Variants in HEATR1 observed in about 807,000 individuals in gnomAD.
HEATR1 encodes the protein HEAT repeat containing 1.
Under a neutral mutation model 248.2 loss-of-function variants are expected in HEATR1, and 77 were observed. The ratio of observed to expected loss-of-function variants is 0.31; its 90% CI spans 0.26 to 0.37. The LOEUF is 0.37. HEATR1 is among the 10% of genes least tolerant of loss of function. The probability of loss-of-function intolerance (pLI) is 1.00; values close to 1 mark genes in which losing one functional copy is unlikely to be tolerated. For missense variants in HEATR1, 2,420 were observed against 2,504.9 expected, an observed-to-expected ratio of 0.97 and a Z score of 0.72; for synonymous variants, 897 against 923.1, an observed-to-expected ratio of 0.97 and a Z score of 0.51.
In HEATR1 at chr1:236,574,798, G is replaced by C; in HGVS notation, c.3190C>G (p.Leu1064Val). ...KDEAMVLHLT[L>V]GKYNEFSVSL... Reference sequence around the variant, plus strand: ...ACTGAAAATTCATTATACTTTCCCAGAGTGAGATGCAGAACCATGGCCTCA... The same window carrying C: ...ACTGAAAATTCATTATACTTTCCCACAGTGAGATGCAGAACCATGGCCTCA... The change falls in exon 23 of 45, where the codon CTG (leucine) becomes GTG (valine). Residue 1064 changes from leucine (L) to valine (V), a missense_variant. Transcript: ENST00000366582. 1 of 1,614,022 alleles carries C rather than the reference G, an allele frequency of 6.2e-7. No individual in the cohort carries two copies. Among genetic ancestry groups the C allele is most frequent in the South Asian group, 1.1e-5 (1 of 91,074 alleles).
Position 236,558,300 on chromosome 1 carries a change from G to C in HEATR1, c.5141C>G (p.Ala1714Gly), listed in dbSNP as rs143495736. Residue 1714 changes from alanine to glycine, a missense_variant, in exon 36 of 45, where the codon GCG becomes GGG. Coordinates refer to ENST00000366582, the MANE Select transcript of HEATR1 (RefSeq NM_018072.6). ...GGTCACCTCTGCTATGCACAGCAGC[G>C]CGCTTCCCAGGACATTCTTCTCCTC... ...RKEEKNVLGS[A>G]LLCIAEVTST... The C allele has an allele frequency of 9.3e-6, 15 of 1,614,218 alleles. No homozygotes were observed. The highest frequency in any genetic ancestry group is 1.2e-5 in the Non-Finnish European group (14 of 1,180,046).
intron 32 of HEATR1, among the ~76,000 whole-genome samples, chr1:236,563,723 C>T (rs887619522): frequency 5.9e-5 from 9 of 152,088 alleles, no homozygotes; most frequent in African/African-American, 2.2e-4. Flanking sequence ...TATTCCTGGT[C>T]GTATTCCTTT....
At chr1:236,562,000 C>CT (rs1424222619) in intron 32 of HEATR1, among the ~76,000 whole-genome samples, 5 of 152,208 alleles carry the variant, frequency 3.3e-5, no homozygotes, top group Non-Finnish European at 5.9e-5. Context: ...ATTACTGGAA[C>CT]TTTCAACCTC....
chr1:236,581,124 A>T (rs1235656728), intron 20 of HEATR1, 98 bp downstream of exon 20: 11 of 959,818 alleles, frequency 1.1e-5, no homozygotes, highest in Non-Finnish European at 1.7e-5. Flanking sequence ...GCCCTCTGCT[A>T]TTTTTTTTTA....
In HEATR1 at chr1:236,599,642, A is replaced by G; in HGVS notation, c.360-18T>C. The stretch of plus-strand genomic sequence containing the variant: ...TATGGAACCTGGGGAAAAAAAGCAA[A>G]CAGTCCAACTGAACACAAAACTTAA... On this transcript the variant is annotated intron_variant, in intron 3 of 44. Transcript: ENST00000366582. The G allele has an allele frequency of 1.9e-6, 3 of 1,598,120 alleles. No individual in the cohort carries two copies. Among genetic ancestry groups the G allele is most frequent in the Non-Finnish European group, 2.6e-6 (3 of 1,171,518 alleles).
Position 236,576,949 on chromosome 1 carries a change from A to C in HEATR1, c.2756T>G (p.Val919Gly). ...CAGGTTAATGAGTAAAGATGTCACC[A>C]CTAAAATCAAAGGAAAAAAAAATTT... ...KHQLASISSP[V>G]VTSLLINLGS... The change falls in exon 21 of 45, where the codon GTG becomes GGG. Residue 919 changes from valine to glycine, a missense_variant and splice_region_variant. By Grantham distance (109) the Val-to-Gly change is moderately radical. Coordinates refer to ENST00000366582, the MANE Select transcript of HEATR1 (RefSeq NM_018072.6). 1 of 1,560,578 alleles carries C rather than the reference A, an allele frequency of 6.4e-7. No homozygotes were observed.
At position 236,555,432 on chromosome 1, in the gene HEATR1, T is replaced by C; in HGVS notation, c.5787A>G (p.Pro1929=). ...LFDWAKTEDA[P]KDRLLTFYNL... Reference sequence around the variant, plus strand: ...TGTAAAATGTCAACAACCTGTCCTTTGGGGCATCTTCTGTTTTAGCCCAAT... The same window carrying C: ...TGTAAAATGTCAACAACCTGTCCTTCGGGGCATCTTCTGTTTTAGCCCAAT... Residue 1929 remains proline, a synonymous_variant, in exon 41 of 45, where the codon CCA becomes CCG. Transcript: ENST00000366582. 2.5e-6 allele frequency: 4 copies of C among 1,614,210 alleles called. No homozygotes were observed. Among genetic ancestry groups the C allele is most frequent in the South Asian group, 1.1e-5 (1 of 91,086 alleles).
chr1:236,601,309 T>C (rs141383467), intron 3 of HEATR1, among the ~76,000 whole-genome samples: 4,585 of 151,750 alleles, frequency 0.03, 131 homozygotes, highest in Admixed American at 0.096. Context: ...TGCAGTGGCG[T>C]GATCTCAGCT....
At chr1:236,576,694 T>C in intron 21 of HEATR1, 86 bp downstream of exon 21, 2 of 1,263,564 alleles carry the variant, frequency 1.6e-6, no homozygotes, top group Non-Finnish European at 2.2e-6. Context: ...TCAAAATCCC[T>C]ACACAGTGAA....
At chr1:236,595,359 T>A (rs1323580555) in intron 8 of HEATR1, among the ~76,000 whole-genome samples, 181 bp downstream of exon 8, 1 of 152,204 alleles carries the variant, frequency 6.6e-6, no homozygotes, top group Non-Finnish European at 1.5e-5. Flanking sequence ...TTAACAATGA[T>A]CTTTCTTCAA....
chr1:236,568,349 T>C (rs1438917447), intron 29 of HEATR1, among the ~76,000 whole-genome samples: 5 of 152,210 alleles, frequency 3.3e-5, no homozygotes, highest in Non-Finnish European at 7.3e-5. Context: ...AATCTAATAC[T>C]AAGGTTAAAA....
chr1:236,559,953 A>G (rs1558178752), intron 33 of HEATR1, 116 bp from the exon 34 acceptor site: 5 of 1,080,010 alleles, frequency 4.6e-6, no homozygotes, highest in Non-Finnish European at 3.8e-6. Flanking sequence ...ATTCTGTACT[A>G]AATTATTTCA....
chr1:236,570,026 C>T (rs1262457755), intron 28 of HEATR1, among the ~76,000 whole-genome samples: 1 of 152,128 alleles, frequency 6.6e-6, no homozygotes, highest in Non-Finnish European at 1.5e-5. Context: ...CGGTGGCTCA[C>T]GCCTGTAGTT....
intron 19 of HEATR1, among the ~76,000 whole-genome samples, chr1:236,582,250 G>C (rs946278763): frequency 6.6e-6 from 1 of 151,390 alleles, no homozygotes; most frequent in Non-Finnish European, 1.5e-5. Context: ...GACTTCAGGA[G>C]CCCGCCACCA....
In HEATR1 at chr1:236,557,350, A is replaced by G. The variant is rs1663006159; in HGVS notation, c.5205-5T>C. On this transcript the variant is annotated splice_region_variant and splice_polypyrimidine_tract_variant and intron_variant, in intron 36 of 44. Transcript: ENST00000366582. ...GTCAGCAACGATGGCATCAGGCTAG[A>G]AACAAAGTAAGAGCTTTAGAAGAAC... The G allele has an allele frequency of 6.2e-7, 1 of 1,613,792 alleles. No individual in the cohort carries two copies. Among genetic ancestry groups the G allele is most frequent in the East Asian group, 2.2e-5 (1 of 44,876 alleles).
chr1:236,574,684 T>C lies in HEATR1; in HGVS notation c.3304A>G (p.Ile1102Val), dbSNP rs372897306. ...TKELYAGMPT[I>V]QITALEKITK... ...ACCTTTTCAAGGGCTGTGATCTGAA[T>C]GGTTGGCATTCCCGCGTAAAGTTCC... Residue 1102 changes from isoleucine to valine, a missense_variant, in exon 23 of 45, where the codon ATT (isoleucine) becomes GTT (valine). Transcript: ENST00000366582. 1.3e-5 allele frequency: 21 copies of C among 1,613,722 alleles called. No individual in the cohort carries two copies. In the African/African-American group the frequency reaches 2.3e-4, roughly 17 times the overall value.
rs933561107 is a variant in HEATR1 at position 236,556,138 on chromosome 1, T to C, written c.5476A>G (p.Ile1826Val). 2 of 1,614,192 alleles carry C rather than the reference T, an allele frequency of 1.2e-6. No individual in the cohort carries two copies. Among genetic ancestry groups the C allele is most frequent in the Non-Finnish European group, 1.7e-6 (2 of 1,180,038 alleles). Residue 1826 changes from isoleucine (I) to valine (V), a missense_variant, in exon 38 of 45, where the codon ATC becomes GTC. Transcript: ENST00000366582. ...TLAPRVLLPAIKKTYKQIEKN... is the reference protein window; with the variant it reads ...TLAPRVLLPAVKKTYKQIEKN... The stretch of plus-strand genomic sequence containing the variant: ...TCAATCTGCTTGTAAGTTTTTTTGA[T>C]GGCGGGCAACAGGACTCGGGGTGCA...
intron 32 of HEATR1, among the ~76,000 whole-genome samples, chr1:236,563,962 T>G (rs1558180260): frequency 6.6e-6 from 1 of 152,044 alleles, no homozygotes; most frequent in Non-Finnish European, 1.5e-5. Context: ...AAAAAAAGTT[T>G]TAAAATTAGC....
At chr1:236,575,570 A>T (rs1037655844) in intron 22 of HEATR1, among the ~76,000 whole-genome samples, 1 of 152,212 alleles carries the variant, frequency 6.6e-6, no homozygotes, top group Admixed American at 6.5e-5. Flanking sequence ...TAAGGGCTGA[A>T]TGCAACCTGT....
Sources: gnomAD v4.1 joint callset for allele counts (sites outside exome capture counted in the v4.1 genomes callset) on GRCh38, gnomAD v4.1.1 for gene constraint, MANE v1.5 for transcripts, NCBI Gene and HGNC (gene_info 2026-07-23, HGNC 2026-07-21) for gene names.